FBH1: variants seen among roughly 807,000 people sequenced by gnomAD.
FBH1 encodes the protein DNA 3'-5' helicase 1.
In FBH1, 43 loss-of-function variants were observed where a neutral mutation model predicts 115.5. The observed-to-expected ratio is 0.37, with a 90% CI of 0.29 to 0.48. FBH1 has a LOEUF of 0.48. Among genes scored for constraint, FBH1 ranks in the 20% least tolerant of loss-of-function variants. The pLI, the probability that FBH1 is intolerant of heterozygous loss-of-function variation, is 0.99. For missense variants in FBH1, 1,001 were observed against 1,337.3 expected, an observed-to-expected ratio of 0.75 and a Z score of 3.92; for synonymous variants, 524 against 507.8, an observed-to-expected ratio of 1.03 and a Z score of -0.43.
chr10:5,936,992 C>T lies in FBH1; in HGVS notation c.2962-118C>T, dbSNP rs1194999039. 1 of 1,190,156 alleles carries T rather than the reference C, an allele frequency of 8.4e-7. No individual in the cohort carries two copies. Among genetic ancestry groups the T allele is most frequent in the Non-Finnish European group, 1.2e-6 (1 of 862,218 alleles). 73.7% of individuals were successfully genotyped at this position (1,190,156 alleles called of 1,614,324 possible). ...CTGAGGATGTGCACCCCTCTGAAAACATCAGAATCCAAATGCGTTGTCCCT... is the reference window on the plus strand; with the variant it reads ...CTGAGGATGTGCACCCCTCTGAAAATATCAGAATCCAAATGCGTTGTCCCT... On this transcript the variant is annotated intron_variant, in intron 20 of 20. Transcript: ENST00000362091. This position sits in a 1 kb window ranked among gnomAD's most constrained non-coding sequence, Gnocchi z 5.6.
In FBH1 at chr10:5,935,313, G is replaced by A. The variant is rs1414381979; in HGVS notation, c.2830-1143G>A. On this transcript the variant is annotated intron_variant, in intron 19 of 20. Coordinates refer to ENST00000362091, the MANE Select transcript of FBH1 (RefSeq NM_178150.3). This position sits in a 1 kb window ranked among gnomAD's most constrained non-coding sequence, Gnocchi z 5.2. Reference sequence around the variant, plus strand: ...ATGGGTAAATGAAATACAAGAGAGCGCTGTGACTGAGTCCTCTACAGCATT... The same window carrying A: ...ATGGGTAAATGAAATACAAGAGAGCACTGTGACTGAGTCCTCTACAGCATT... The A allele has an allele frequency of 6.6e-6, 1 of 152,202 alleles. No individual in the cohort carries two copies. The highest frequency in any genetic ancestry group is 2.4e-5 in the African/African-American group (1 of 41,448). 9.4% of individuals were successfully genotyped at this position (152,202 alleles called of 1,614,324 possible). A position where few individuals can be genotyped will look rare whatever the true frequency, so the allele number is the denominator to read the frequency against.
At chr10:5,928,900 T>C (rs1292651059) in intron 19 of FBH1, among the ~76,000 whole-genome samples, 1 of 152,162 alleles carries the variant, frequency 6.6e-6, no homozygotes, top group Non-Finnish European at 1.5e-5. Flanking sequence ...GAACAAAGAT[T>C]GTGTGTAGCA....
In FBH1 at chr10:5,937,546, A is replaced by C; in HGVS notation, c.*266A>C. The stretch of plus-strand genomic sequence containing the variant: ...AAAAAAAAAAAAAATTTATGTATTT[A>C]AACTTTTATTACAAGATTTCAATTA... On this transcript the variant is annotated 3_prime_UTR_variant, in exon 21 of 21. Coordinates refer to ENST00000362091, the MANE Select transcript of FBH1 (RefSeq NM_178150.3). 3.4e-6 allele frequency: 1 copy of C among 292,526 alleles called. No individual in the cohort carries two copies. The highest frequency in any genetic ancestry group is 6.2e-6 in the Non-Finnish European group (1 of 160,502). 18.1% of individuals were successfully genotyped at this position (292,526 alleles called of 1,614,324 possible).
chr10:5,930,932 G>GT (rs1303523169), intron 19 of FBH1, among the ~76,000 whole-genome samples: 1 of 151,070 alleles, frequency 6.6e-6, no homozygotes, highest in African/African-American at 2.4e-5. Context: ...TTTTTGTTTT[G>GT]TTTTTTTGTA....
Position 5,909,137 on chromosome 10 carries a change from C to G in FBH1, c.885-22C>G. ...TGCTTATGGTCACCCTACTCATGGC[C>G]TCTCCTGTGAATGTCTTACAGATAC... is the stretch of plus-strand genomic sequence containing the variant. On this transcript the variant is annotated intron_variant, in intron 4 of 20. Transcript: ENST00000362091. This position sits in a 1 kb window ranked among gnomAD's most constrained non-coding sequence, Gnocchi z 4.4. The G allele has an allele frequency of 6.2e-7, 1 of 1,613,454 alleles. No individual in the cohort carries two copies. Among genetic ancestry groups the G allele is most frequent in the Non-Finnish European group, 8.5e-7 (1 of 1,179,804 alleles).
rs542449506 is a variant in FBH1 at position 5,921,060 on chromosome 10, T to C, written c.2101-198T>C. Among the ~76,000 whole-genome samples, 10 of 152,304 alleles carry C rather than the reference T, an allele frequency of 6.6e-5. No homozygotes were observed. The East Asian group carries it at 1.5e-3, about 23-fold the overall frequency. On this transcript the variant is annotated intron_variant, in intron 13 of 20. Transcript: ENST00000362091. This position sits in a 1 kb window ranked among gnomAD's most constrained non-coding sequence, Gnocchi z 6.4. ...TTTGCTTAAAAGAAAAATTTACTATTGGTGTTGAGAATAATGGAAAATAAA... is the reference window on the plus strand; with the variant it reads ...TTTGCTTAAAAGAAAAATTTACTATCGGTGTTGAGAATAATGGAAAATAAA...
chr10:5,921,695 C>A lies in FBH1; in HGVS notation c.2322+126C>A. 1 of 1,246,374 alleles carries A rather than the reference C, an allele frequency of 8.0e-7. No homozygotes were observed. The highest frequency in any genetic ancestry group is 1.1e-6 in the Non-Finnish European group (1 of 917,946). 77.2% of individuals were successfully genotyped at this position (1,246,374 alleles called of 1,614,324 possible). ...GCATTTGGGTTTTTGACTCTTTCCA[C>A]CAGGCTGCACCATGAGTGGTCTCTA... On this transcript the variant is annotated intron_variant, in intron 15 of 20. Transcript: ENST00000362091. The surrounding 1 kb of genome is among the most constrained non-coding windows in gnomAD (Gnocchi z 6.4).
At chr10:5,929,568 T>C (rs138003523) in intron 19 of FBH1, 25 of 152,342 alleles carry the variant, frequency 1.6e-4, no homozygotes, top group Admixed American at 1.4e-3. Context: ...GTAGACTTTT[T>C]CTGTAAAGGG....
chr10:5,912,235 G>A (rs1381393454), intron 6 of FBH1, among the ~76,000 whole-genome samples: 3 of 151,880 alleles, frequency 2.0e-5, no homozygotes, highest in African/African-American at 7.3e-5. Flanking sequence ...CTGGTGGTGC[G>A]TGTCTCTAAT....
intron 1 of FBH1, chr10:5,894,525 G>A: frequency 1.2e-6 from 1 of 861,092 alleles, no homozygotes; most frequent in Non-Finnish European, 2.0e-6. Context: ...AGTCCTCTCT[G>A]AGCCCCAGCT....
intron 2 of FBH1, among the ~76,000 whole-genome samples, chr10:5,904,698 T>G (rs2131904737): frequency 6.6e-6 from 1 of 152,252 alleles, no homozygotes; most frequent in African/African-American, 2.4e-5. Context: ...CCGTCTCTAT[T>G]TTAAAATAAT....
At chr10:5,891,409 A>G (rs113935535) in intron 1 of FBH1, among the ~76,000 whole-genome samples, 22 of 152,344 alleles carry the variant, frequency 1.4e-4, no homozygotes, top group African/African-American at 3.4e-4. Flanking sequence ...GAAATGCACA[A>G]AAGTGTAGGG....
Position 5,924,553 on chromosome 10 carries a change from C to T in FBH1, c.2596+45C>T, listed in dbSNP as rs982556544. 3 of 1,544,458 alleles carry T rather than the reference C, an allele frequency of 1.9e-6. No individual in the cohort carries two copies. Among genetic ancestry groups the T allele is most frequent in the Non-Finnish European group, 1.8e-6 (2 of 1,120,708 alleles). Reference sequence around the variant, plus strand: ...TTTACCTTCCCCCTAAGAGGAGGAACAGATGGTCTTCTGCTGTTCTTTTTT... The same window carrying T: ...TTTACCTTCCCCCTAAGAGGAGGAATAGATGGTCTTCTGCTGTTCTTTTTT... On this transcript the variant is annotated intron_variant, in intron 17 of 20. Coordinates refer to ENST00000362091, the MANE Select transcript of FBH1 (RefSeq NM_178150.3). This position sits in a 1 kb window ranked among gnomAD's most constrained non-coding sequence, Gnocchi z 6.2.
intron 1 of FBH1, 115 bp from the exon 2 acceptor site, chr10:5,902,905 G>T (rs1480591908): frequency 4.2e-6 from 4 of 956,124 alleles, no homozygotes; most frequent in Non-Finnish European, 5.9e-6. Context: ...GTTGGCTGGG[G>T]TGTTGACAAA....
At chr10:5,922,122 C>T (rs770928116) in intron 15 of FBH1, among the ~76,000 whole-genome samples, 10 of 152,188 alleles carry the variant, frequency 6.6e-5, no homozygotes, top group Non-Finnish European at 1.3e-4. Flanking sequence ...AAGATATTCA[C>T]TCATTCATTT....
Position 5,937,425 on chromosome 10 carries a change from C to A in FBH1, c.*145C>A. On this transcript the variant is annotated 3_prime_UTR_variant, in exon 21 of 21. Coordinates refer to ENST00000362091, the MANE Select transcript of FBH1 (RefSeq NM_178150.3). ...GAAGAGGACACCAGCCCAAGCTGGACCTGCCATTTCTCCACTCCCTACAGA... is the reference window on the plus strand; with the variant it reads ...GAAGAGGACACCAGCCCAAGCTGGAACTGCCATTTCTCCACTCCCTACAGA... The A allele has an allele frequency of 2.4e-6, 2 of 831,378 alleles. No individual in the cohort carries two copies. Among genetic ancestry groups the A allele is most frequent in the Non-Finnish European group, 3.4e-6 (2 of 591,090 alleles). The allele number at this position is 831,378 out of a possible 1,614,324, so 51.5% of individuals were successfully genotyped here. A position where few individuals can be genotyped will look rare whatever the true frequency, so the allele number is the denominator to read the frequency against.
intron 15 of FBH1, among the ~76,000 whole-genome samples, chr10:5,922,730 C>G (rs1330373982): frequency 6.6e-6 from 1 of 152,144 alleles, no homozygotes; most frequent in Admixed American, 6.5e-5. Flanking sequence ...TTGTGTCTGT[C>G]TTCTATGTGG....
chr10:5,912,097 C>T (rs918120127), intron 6 of FBH1, among the ~76,000 whole-genome samples: 6 of 152,098 alleles, frequency 3.9e-5, no homozygotes, highest in African/African-American at 1.4e-4. Context: ...CTTGGTGGCT[C>T]ACACCTGTAA....
chr10:5,919,603 T>A (rs2132034305), intron 13 of FBH1, among the ~76,000 whole-genome samples: 1 of 152,356 alleles, frequency 6.6e-6, no homozygotes, highest in Middle Eastern at 3.4e-3. Flanking sequence ...AAGTGTGATT[T>A]TTAAGTGTGA....
Sources: gnomAD v4.1 joint callset for allele counts (sites outside exome capture counted in the v4.1 genomes callset) on GRCh38, gnomAD v4.1.1 for gene constraint, Gnocchi (gnomAD v3.1) non-coding constraint, MANE v1.5 for transcripts, NCBI Gene and HGNC (gene_info 2026-07-23, HGNC 2026-07-21) for gene names.